The following GRIK2 variants were observed in gnomAD, a reference collection of about 807,000 sequenced individuals.
The protein encoded by GRIK2 is glutamate ionotropic receptor kainate type subunit 2.
A neutral mutation model predicts 100.3 loss-of-function variants in GRIK2; 32 were observed. The ratio of observed to expected loss-of-function variants is 0.32; its 90% CI spans 0.24 to 0.43. The LOEUF is 0.43. Among genes scored for constraint, GRIK2 ranks in the 20% least tolerant of loss-of-function variants. GRIK2 has a pLI of 1.00. For missense variants in GRIK2, 843 were observed against 1,114.9 expected (o/e 0.76, Z 3.47); for synonymous variants, 417 against 389.4 (o/e 1.07, Z -0.83).
intron 7 of GRIK2, among the ~76,000 whole-genome samples, chr6:101,726,078 G>A (rs1774842580): frequency 6.6e-6 from 1 of 151,802 alleles, no homozygotes; most frequent in South Asian, 2.1e-4. Context: ...ACCTCATAAA[G>A]ATTAAAAACT....
intron 14 of GRIK2, among the ~76,000 whole-genome samples, chr6:101,965,752 T>A (rs1740294343): frequency 6.6e-6 from 1 of 152,062 alleles, no homozygotes; most frequent in East Asian, 1.9e-4. Flanking sequence ...TAATTTTACC[T>A]CATTTGAGTA....
At chr6:101,823,518 TG>T (rs1782099277) in intron 10 of GRIK2, among the ~76,000 whole-genome samples, 1 of 152,164 alleles carries the variant, frequency 6.6e-6, no homozygotes, top group African/African-American at 2.4e-5. Flanking sequence ...GTTCGGTTGT[TG>T]TTAAAATTCT....
intron 10 of GRIK2, among the ~76,000 whole-genome samples, chr6:101,843,659 C>G (rs1783644820): frequency 6.6e-6 from 1 of 152,096 alleles, no homozygotes; most frequent in African/African-American, 2.4e-5. Flanking sequence ...GAATCTGGCC[C>G]AACTGCACGT....
At chr6:102,012,735 A>C (rs1795614571) in intron 14 of GRIK2, among the ~76,000 whole-genome samples, 1 of 152,064 alleles carries the variant, frequency 6.6e-6, no homozygotes, top group Admixed American at 6.6e-5. Context: ...TGGTTCCAAG[A>C]GGGGGTTGTA....
At chr6:101,917,684 C>G (rs1789208607) in intron 12 of GRIK2, among the ~76,000 whole-genome samples, 1 of 150,698 alleles carries the variant, frequency 6.6e-6, no homozygotes, top group Non-Finnish European at 1.5e-5. Context: ...CAAAGTGTAC[C>G]ACTCCTTAGC....
At chr6:101,776,825 GCTC>G (rs1357545926) in intron 7 of GRIK2, among the ~76,000 whole-genome samples, 1 of 152,088 alleles carries the variant, frequency 6.6e-6, no homozygotes, top group Admixed American at 6.5e-5. Context: ...TTTCCTCCAT[GCTC>G]CTTTGCCATC....
At chr6:101,906,196 G>T (rs1476367945) in intron 12 of GRIK2, among the ~76,000 whole-genome samples, 1 of 151,622 alleles carries the variant, frequency 6.6e-6, no homozygotes, top group African/African-American at 2.4e-5. Flanking sequence ...CCGCTCCTAT[G>T]TGAGCCTAGA....
rs1030273169 is a variant in GRIK2, at chr6:102,007,048, T to C, written c.2086-28293T>C. Among the ~76,000 whole-genome samples, 12 of 152,044 alleles carry C rather than the reference T, an allele frequency of 7.9e-5. 1 individual carries two copies. Among genetic ancestry groups the C allele is most frequent in the African/African-American group, 2.9e-4 (12 of 41,408 alleles). On this transcript the variant is annotated intron_variant, in intron 14 of 16. Transcript: ENST00000369134. ...AACCTATTATGTATAAAAAGCTAGA[T>C]TGGGTGTTGTGCATGATACAATTGT... is the stretch of plus-strand genomic sequence containing the variant.
intron 2 of GRIK2, among the ~76,000 whole-genome samples, chr6:101,424,931 G>A (rs982748466): frequency 3.3e-5 from 5 of 152,182 alleles, no homozygotes; most frequent in African/African-American, 9.7e-5. Flanking sequence ...ATTCCATGGT[G>A]TATATGTGCT....
At chr6:101,903,563 T>G (rs1360000329) in intron 12 of GRIK2, among the ~76,000 whole-genome samples, 1 of 151,834 alleles carries the variant, frequency 6.6e-6, no homozygotes, top group Non-Finnish European at 1.5e-5. Context: ...CTTAGATTTC[T>G]GTTATACTTT....
chr6:101,668,416 C>T (rs1170228278), intron 4 of GRIK2, among the ~76,000 whole-genome samples: 1 of 152,132 alleles, frequency 6.6e-6, no homozygotes. Flanking sequence ...TCTATTTTTA[C>T]AGCATTGCCA....
chr6:101,820,116 C>G (rs2128422792), intron 10 of GRIK2, among the ~76,000 whole-genome samples: 1 of 152,256 alleles, frequency 6.6e-6, no homozygotes, highest in East Asian at 1.9e-4. Context: ...TTCCCTTGCT[C>G]TGCAATATGC....
intron 7 of GRIK2, among the ~76,000 whole-genome samples, chr6:101,697,236 T>C (rs1299831832): frequency 6.6e-6 from 1 of 152,032 alleles, no homozygotes; most frequent in Non-Finnish European, 1.5e-5. Context: ...ACTTATAACA[T>C]AGAATTTGAC....
chr6:101,527,432 G>A (rs948419326), intron 2 of GRIK2, among the ~76,000 whole-genome samples: 4 of 152,066 alleles, frequency 2.6e-5, no homozygotes, highest in Non-Finnish European at 5.9e-5. Context: ...CACCAAAAAA[G>A]GACAGTCTGA....
intron 7 of GRIK2, among the ~76,000 whole-genome samples, chr6:101,710,128 T>C (rs2128358519): frequency 6.6e-6 from 1 of 152,050 alleles, no homozygotes; most frequent in South Asian, 2.1e-4. Context: ...TTACATTTAC[T>C]ATGTTTTAAG....
chr6:101,963,232 A>G (rs1792417186), intron 14 of GRIK2, among the ~76,000 whole-genome samples: 1 of 134,590 alleles, frequency 7.4e-6, no homozygotes, highest in Non-Finnish European at 1.6e-5. Context: ...TAGGACTTAT[A>G]TATCTTAATT....
At position 102,047,010 on chromosome 6, in the gene GRIK2, A is replaced by G. The variant is rs565665655; in HGVS notation, c.2312-8320A>G. 3.3e-5 allele frequency among the ~76,000 whole-genome samples: 5 copies of G among 152,288 alleles called. No individual in the cohort carries two copies. In the South Asian group the frequency reaches 1.0e-3, roughly 32 times the overall value. ...AAGGAGTGTTAAAAAATATATTGAA[A>G]CAAATGACAGTAGAAACATAATATA... On this transcript the variant is annotated intron_variant, in intron 15 of 16. Coordinates refer to ENST00000369134, the MANE Select transcript of GRIK2 (RefSeq NM_021956.5).
intron 5 of GRIK2, among the ~76,000 whole-genome samples, chr6:101,681,484 C>T (rs1369594104): frequency 6.7e-6 from 1 of 150,008 alleles, no homozygotes; most frequent in Non-Finnish European, 1.5e-5. Flanking sequence ...GTCCTCCTGC[C>T]TTGGTTTCCC....
At chr6:101,496,641 G>C (rs1201137714) in intron 2 of GRIK2, among the ~76,000 whole-genome samples, 1 of 152,174 alleles carries the variant, frequency 6.6e-6, no homozygotes, top group Non-Finnish European at 1.5e-5. Flanking sequence ...AGGTTGGAGA[G>C]TAAGCACCCA....
Sources: gnomAD v4.1 joint callset for allele counts (sites outside exome capture counted in the v4.1 genomes callset) on GRCh38, gnomAD v4.1.1 for gene constraint, MANE v1.5 for transcripts, NCBI Gene and HGNC (gene_info 2026-07-23, HGNC 2026-07-21) for gene names.